MNAT1: variants seen among roughly 807,000 people sequenced by gnomAD.
MNAT1 encodes the protein MNAT1 component of CDK activating kinase, also known as CDK-activating kinase assembly factor MAT1.
Under a neutral mutation model 42.0 loss-of-function variants are expected in MNAT1, and 43 were observed. The ratio of observed to expected loss-of-function variants is 1.02; its 90% CI spans 0.80 to 1.32. The LOEUF (loss-of-function observed/expected upper bound fraction) is 1.32, where lower values mean the gene tolerates loss of function less well. Among genes scored for constraint, MNAT1 ranks in the 40% most tolerant of loss-of-function variants. The pLI is 0.00. For missense variants in MNAT1, 306 were observed against 350.4 expected (o/e 0.87, Z 1.01); for synonymous variants, 118 against 120.0 (o/e 0.98, Z 0.11).
Position 60,890,727 on chromosome 14 carries a change from A to T in MNAT1, c.809+10892A>T, listed in dbSNP as rs372860679. Among the ~76,000 whole-genome samples the T allele has an allele frequency of 6.0e-4, 92 of 152,336 alleles. No homozygotes were observed. The Middle Eastern group carries it at 0.01, about 17-fold the overall frequency. ...AGCATCCAGCATGGGAGAAAGATGA[A>T]GTCTGGAAGACTCAGCAAGTCTGCT... is the stretch of plus-strand genomic sequence containing the variant. On this transcript the variant is annotated intron_variant, in intron 7 of 7. Transcript: ENST00000261245.
At chr14:60,834,544 C>G (rs1250000640) in intron 6 of MNAT1, among the ~76,000 whole-genome samples, 1 of 152,062 alleles carries the variant, frequency 6.6e-6, no homozygotes, top group Non-Finnish European at 1.5e-5. Context: ...GATTTTTGTT[C>G]TTTTGCATTT....
chr14:60,954,196 T>C (rs1387440130), intron 7 of MNAT1, among the ~76,000 whole-genome samples: 1 of 152,154 alleles, frequency 6.6e-6, no homozygotes, highest in African/African-American at 2.4e-5. Context: ...TCTTTTGTTA[T>C]TCCACATGAA....
chr14:60,779,925 G>T lies in MNAT1; in HGVS notation c.90-16292G>T, dbSNP rs927000315. The T allele has an allele frequency of 2.6e-6, 3 of 1,153,972 alleles. No homozygotes were observed. In the East Asian group the frequency reaches 7.4e-5, roughly 28 times the overall value. The allele number at this position is 1,153,972 out of a possible 1,614,324, so 71.5% of individuals were successfully genotyped here. A position where few individuals can be genotyped will look rare whatever the true frequency, so the allele number is the denominator to read the frequency against. ...GTTGGAGCCGCTGTGGTTGCTGTCC[G>T]TGTAGTGAAAGCGCGTGCCTTTGTT... is the stretch of plus-strand genomic sequence containing the variant. On this transcript the variant is annotated intron_variant, in intron 1 of 7. Transcript: ENST00000261245.
At chr14:60,936,879 C>T (rs2036009619) in intron 7 of MNAT1, among the ~76,000 whole-genome samples, 1 of 152,154 alleles carries the variant, frequency 6.6e-6, no homozygotes, top group African/African-American at 2.4e-5. Context: ...ACATCCTCTC[C>T]AGCACCTGTT....
intron 1 of MNAT1, among the ~76,000 whole-genome samples, chr14:60,760,448 G>T (rs1179591458): frequency 6.6e-6 from 1 of 151,868 alleles, no homozygotes; most frequent in Non-Finnish European, 1.5e-5. Context: ...AACTCACTGG[G>T]GTTACAATTA....
intron 1 of MNAT1, 68 bp downstream of exon 1, chr14:60,735,019 G>A: frequency 6.9e-7 from 1 of 1,448,408 alleles, no homozygotes. Context: ...ACCGGGAGAT[G>A]CTAGGCCTCG....
intron 7 of MNAT1, among the ~76,000 whole-genome samples, chr14:60,893,549 A>G (rs754915187): frequency 1.3e-5 from 2 of 152,204 alleles, no homozygotes. Flanking sequence ...AGAAATATTT[A>G]CATGCCTTTT....
intron 1 of MNAT1, among the ~76,000 whole-genome samples, chr14:60,751,666 T>A (rs1221646107): frequency 1.3e-5 from 2 of 151,932 alleles, no homozygotes; most frequent in Non-Finnish European, 2.9e-5. Context: ...CAAATATATA[T>A]ATTCTCTACA....
intron 7 of MNAT1, among the ~76,000 whole-genome samples, chr14:60,894,028 G>A (rs1172660926): frequency 2.0e-5 from 3 of 152,070 alleles, no homozygotes; most frequent in South Asian, 2.1e-4. Flanking sequence ...CCCCAGACTC[G>A]CAACTGAAGT....
chr14:60,845,249 C>CT (rs2033654029), intron 6 of MNAT1, among the ~76,000 whole-genome samples: 1 of 151,180 alleles, frequency 6.6e-6, no homozygotes, highest in Non-Finnish European at 1.5e-5. Flanking sequence ...ATCTGGGACT[C>CT]TAATTTGTTT....
chr14:60,784,371 G>A (rs1315502881), intron 1 of MNAT1, among the ~76,000 whole-genome samples: 2 of 150,084 alleles, frequency 1.3e-5, no homozygotes, highest in Admixed American at 1.3e-4. Flanking sequence ...AGAGATGAGG[G>A]TCTTGCTGTG....
At chr14:60,881,776 T>C (rs2034556926) in intron 7 of MNAT1, among the ~76,000 whole-genome samples, 1 of 152,138 alleles carries the variant, frequency 6.6e-6, no homozygotes, top group Non-Finnish European at 1.5e-5. Flanking sequence ...TTATTCTTTG[T>C]GTTACAAAGA....
intron 7 of MNAT1, among the ~76,000 whole-genome samples, chr14:60,935,746 T>G (rs1259362088): frequency 1.3e-5 from 2 of 152,068 alleles, no homozygotes; most frequent in Non-Finnish European, 2.9e-5. Flanking sequence ...ATACATAGAT[T>G]TGGGCCCTCA....
chr14:60,772,722 A>G (rs539575662), intron 1 of MNAT1, among the ~76,000 whole-genome samples: 2 of 152,250 alleles, frequency 1.3e-5, no homozygotes, highest in African/African-American at 4.8e-5. Context: ...ATCACAAAGT[A>G]TATAATCTTA....
chr14:60,887,203 GT>G (rs71114163), intron 7 of MNAT1, among the ~76,000 whole-genome samples: 142,921 of 151,050 alleles, frequency 0.95, 67,875 homozygotes, highest in Non-Finnish European at 0.99. Context: ...TATCAGAGCT[GT>G]TTTTTTTTCT....
chr14:60,889,495 A>T (rs967393039), intron 7 of MNAT1, among the ~76,000 whole-genome samples: 1 of 152,138 alleles, frequency 6.6e-6, no homozygotes, highest in African/African-American at 2.4e-5. Context: ...AACCATAAAA[A>T]CCCTAGAAGA....
At chr14:60,828,682 C>T (rs1234624152) in intron 6 of MNAT1, among the ~76,000 whole-genome samples, 1 of 152,166 alleles carries the variant, frequency 6.6e-6, no homozygotes, top group Non-Finnish European at 1.5e-5. Flanking sequence ...CCCAGTACCA[C>T]ACAACTGCTC....
intron 6 of MNAT1, among the ~76,000 whole-genome samples, chr14:60,840,810 T>C (rs1242235766): frequency 6.6e-6 from 1 of 152,020 alleles, no homozygotes; most frequent in African/African-American, 2.4e-5. Flanking sequence ...ATTACAGGCA[T>C]GTGCCACCAT....
intron 1 of MNAT1, among the ~76,000 whole-genome samples, chr14:60,752,964 C>A (rs1053692776): frequency 6.6e-6 from 1 of 152,102 alleles, no homozygotes; most frequent in African/African-American, 2.4e-5. Context: ...AGGGTTTTGC[C>A]ATGTTGGCCA....
Sources: allele counts gnomAD v4.1 joint callset (sites outside exome capture counted in the v4.1 genomes callset), GRCh38; gene constraint gnomAD v4.1.1; transcripts MANE v1.5; gene names NCBI Gene and HGNC (gene_info 2026-07-23, HGNC 2026-07-21).